Variants in AGER observed in about 807,000 individuals in gnomAD.
AGER encodes advanced glycation end product-specific receptor.
AGER carries 46 observed loss-of-function variants against 48.8 expected under a neutral mutation model. The observed-to-expected ratio is 0.94, with a 90% confidence interval of 0.74 to 1.20. The LOEUF (loss-of-function observed/expected upper bound fraction) is 1.20, where lower values mean the gene tolerates loss of function less well. Among genes scored for constraint, AGER ranks in the 50% most tolerant of loss-of-function variants. The probability of loss-of-function intolerance (pLI) is 0.00; values close to 1 mark genes in which losing one functional copy is unlikely to be tolerated. For missense variants in AGER, 489 were observed against 515.0 expected (o/e 0.95, Z 0.49); for synonymous variants, 170 against 199.9 (o/e 0.85, Z 1.26).
Position 32,184,166 on chromosome 6 carries a change from C to T in AGER, c.52+5G>A. 1 of 1,610,756 alleles carries T rather than the reference C, an allele frequency of 6.2e-7. No individual in the cohort carries two copies. Among genetic ancestry groups the T allele is most frequent in the Non-Finnish European group, 8.5e-7 (1 of 1,178,708 alleles). ...AGGGTCAGTGGGGTTGAGGGAGTGG[C>T]TCACCCCACAGACTGAGGACCAGCA... is the stretch of plus-strand genomic sequence containing the variant. On this transcript the variant is annotated splice_donor_5th_base_variant and intron_variant, in intron 1 of 10. Transcript: ENST00000375076.
Position 32,181,156 on chromosome 6 carries a change from G to C in AGER, c.1202C>G (p.Thr401Ser). ...SEEPEAGESS[T>S]GGP Reference sequence around the variant, plus strand: ...TCTGTGGGCCCCTCAAGGCCCTCCAGTACTACTCTCGCCTGCCTCAGGTTC... The same window carrying C: ...TCTGTGGGCCCCTCAAGGCCCTCCACTACTACTCTCGCCTGCCTCAGGTTC... The change falls in exon 11 of 11, where the codon ACT becomes AGT. Residue 401 changes from threonine to serine, a missense_variant. By Grantham distance (58) the Thr-to-Ser change is moderately conservative. Coordinates refer to ENST00000375076, the MANE Select transcript of AGER (RefSeq NM_001136.5). This position sits in a 1 kb window ranked among gnomAD's most constrained non-coding sequence, Gnocchi z 4.1. 1 of 1,614,210 alleles carries C rather than the reference G, an allele frequency of 6.2e-7. No homozygotes were observed. Among genetic ancestry groups the C allele is most frequent in the Middle Eastern group, 1.7e-4 (1 of 6,052 alleles).
At position 32,182,033 on chromosome 6, in the gene AGER, G is replaced by A. The variant is rs980576811; in HGVS notation, c.964+214C>T. 2.9e-5 allele frequency: 23 copies of A among 785,058 alleles called. No homozygotes were observed. Among genetic ancestry groups the A allele is most frequent in the African/African-American group, 1.4e-4 (8 of 58,656 alleles). The allele number at this position is 785,058 out of a possible 1,614,324, so 48.6% of individuals were successfully genotyped here. A position where few individuals can be genotyped will look rare whatever the true frequency, so the allele number is the denominator to read the frequency against. ...CAGGCGTGAGCCACCGCGCCCAGCC[G>A]TCTGTTCCTTTTTTTAGCTCAGAGG... On this transcript the variant is annotated intron_variant, in intron 8 of 10. Transcript: ENST00000375076. This position sits in a 1 kb window ranked among gnomAD's most constrained non-coding sequence, Gnocchi z 5.1.
rs1294731239 is a variant in AGER, at chr6:32,181,728, T to A, written c.965-96A>T. On this transcript the variant is annotated intron_variant, in intron 8 of 10. Transcript: ENST00000375076. The surrounding 1 kb of genome is among the most constrained non-coding windows in gnomAD (Gnocchi z 4.1). ...CCAGTGGAGTCTTTCCCTTTCTTTT[T>A]TTTTTTGAGATGGAGTTTCACTTTT... 1 of 1,314,222 alleles carries A rather than the reference T, an allele frequency of 7.6e-7. No individual in the cohort carries two copies. The highest frequency in any genetic ancestry group is 1.1e-6 in the Non-Finnish European group (1 of 947,088). The allele number at this position is 1,314,222 out of a possible 1,614,324, so 81.4% of individuals were successfully genotyped here.
rs764105620 is a variant in AGER at position 32,182,385 on chromosome 6, C to T, written c.826G>A (p.Val276Met). The T allele has an allele frequency of 1.4e-5, 23 of 1,610,600 alleles. No homozygotes were observed. Among genetic ancestry groups the T allele is most frequent in the Admixed American group, 1.3e-4 (8 of 59,882 alleles). ...SPQIHWMKDGVPLPLPPSPVL... is the reference protein window; with the variant it reads ...SPQIHWMKDGMPLPLPPSPVL... ...GGGCTGGGGGGAAGGGGCAAGGGCA[C>T]ACCCTGGTGGGGGAAGGGGAGAGGA... is the stretch of plus-strand genomic sequence containing the variant. Residue 276 changes from valine (V) to methionine (M), a missense_variant, in exon 8 of 11, where the codon GTG becomes ATG. Val to Met is a conservative substitution (Grantham distance 21). Transcript: ENST00000375076. This position sits in a 1 kb window ranked among gnomAD's most constrained non-coding sequence, Gnocchi z 5.1.
At position 32,182,838 on chromosome 6, in the gene AGER, C is replaced by T. The variant is rs764581457; in HGVS notation, c.691+3G>A. The T allele has an allele frequency of 6.8e-6, 11 of 1,612,004 alleles. No individual in the cohort carries two copies. Among genetic ancestry groups the T allele is most frequent in the African/African-American group, 5.3e-5 (4 of 74,884 alleles). Reference sequence around the variant, plus strand: ...GCTTGGGGCCCTCCCCACCTATGCTCACCCCAGACACGGGGCTGGATGGGG... The same window carrying T: ...GCTTGGGGCCCTCCCCACCTATGCTTACCCCAGACACGGGGCTGGATGGGG... On this transcript the variant is annotated splice_donor_region_variant and intron_variant, in intron 6 of 10. Transcript: ENST00000375076. The surrounding 1 kb of genome is among the most constrained non-coding windows in gnomAD (Gnocchi z 5.1).
Position 32,181,034 on chromosome 6 carries a change from G to T in AGER, c.*109C>A, listed in dbSNP as rs1786079349. ...TGGTTGTAGAAGAAAGCTTGGCAAG[G>T]TGGGGTTATACAGGAGAGAGATTAT... On this transcript the variant is annotated 3_prime_UTR_variant, in exon 11 of 11. Coordinates refer to ENST00000375076, the MANE Select transcript of AGER (RefSeq NM_001136.5). This position sits in a 1 kb window ranked among gnomAD's most constrained non-coding sequence, Gnocchi z 4.1. 2 of 1,127,228 alleles carry T rather than the reference G, an allele frequency of 1.8e-6. No homozygotes were observed. Among genetic ancestry groups the T allele is most frequent in the Non-Finnish European group, 2.6e-6 (2 of 764,470 alleles). The allele number at this position is 1,127,228 out of a possible 1,614,324, so 69.8% of individuals were successfully genotyped here.
In AGER at chr6:32,182,153, G is replaced by A; in HGVS notation, c.964+94C>T. ...GCATGGAGGGAGAGGTGGGGTGGCT[G>A]TTAGGGATAAGGCCAGAATGGGGCA... On this transcript the variant is annotated intron_variant, in intron 8 of 10. Coordinates refer to ENST00000375076, the MANE Select transcript of AGER (RefSeq NM_001136.5). This position sits in a 1 kb window ranked among gnomAD's most constrained non-coding sequence, Gnocchi z 5.1. The A allele has an allele frequency of 6.4e-7, 1 of 1,571,258 alleles. No individual in the cohort carries two copies. The highest frequency in any genetic ancestry group is 8.7e-7 in the Non-Finnish European group (1 of 1,146,942).
rs774544372 is a variant in AGER, at chr6:32,181,683, AG to A, written c.965-52del. On this transcript the variant is annotated intron_variant, in intron 8 of 10. Transcript: ENST00000375076. The surrounding 1 kb of genome is among the most constrained non-coding windows in gnomAD (Gnocchi z 4.1). ...AGAAAGGAAGACTTCGGGTTGAGAG[AG>A]GGTTATTTAGTGGGAGCCCCAGTGG... is the stretch of plus-strand genomic sequence containing the variant. The A allele has an allele frequency of 1.5e-5, 24 of 1,575,514 alleles. No individual in the cohort carries two copies. The highest frequency in any genetic ancestry group is 3.3e-4 in the Middle Eastern group (2 of 6,004).
chr6:32,184,160 G>A lies in AGER; in HGVS notation c.52+11C>T. ...GCAGGGAGGGTCAGTGGGGTTGAGG[G>A]AGTGGCTCACCCCACAGACTGAGGA... On this transcript the variant is annotated intron_variant, in intron 1 of 10. Transcript: ENST00000375076. The A allele has an allele frequency of 1.2e-6, 2 of 1,610,642 alleles. No homozygotes were observed. The highest frequency in any genetic ancestry group is 1.7e-6 in the Non-Finnish European group (2 of 1,178,642).
At chr6:32,183,516 G>A (rs374064016) in intron 3 of AGER, 39 bp downstream of exon 3, 50 of 1,612,630 alleles carry the variant, frequency 3.1e-5, no homozygotes, top group Non-Finnish European at 3.9e-5. Flanking sequence ...TTTTTCTTAG[G>A]TAAGAGGGAG....
chr6:32,182,695 G>A lies in AGER; in HGVS notation c.695C>T (p.Pro232Leu). ...TAPIQPRVWE[P>L]VPLEEVQLVV... The stretch of plus-strand genomic sequence containing the variant: ...CAATTGGACCTCCTCCAGAGGCACA[G>A]GCTCTGGGAGTTGGAAGGGTTTTGA... Residue 232 changes from proline (P) to leucine (L), a missense_variant, in exon 7 of 11, where the codon CCT (proline) becomes CTT (leucine). Coordinates refer to ENST00000375076, the MANE Select transcript of AGER (RefSeq NM_001136.5). The surrounding 1 kb of genome is among the most constrained non-coding windows in gnomAD (Gnocchi z 5.1). 1 of 1,613,138 alleles carries A rather than the reference G, an allele frequency of 6.2e-7. No individual in the cohort carries two copies. Among genetic ancestry groups the A allele is most frequent in the East Asian group, 2.2e-5 (1 of 44,882 alleles).
At position 32,182,116 on chromosome 6, in the gene AGER, T is replaced by C; in HGVS notation, c.964+131A>G. Reference sequence around the variant, plus strand: ...AGAATTTGGGTGGGGCAGGGGAGGCTTGGGTGTGGGTGCATGGAGGGAGAG... The same window carrying C: ...AGAATTTGGGTGGGGCAGGGGAGGCCTGGGTGTGGGTGCATGGAGGGAGAG... On this transcript the variant is annotated intron_variant, in intron 8 of 10. Transcript: ENST00000375076. The surrounding 1 kb of genome is among the most constrained non-coding windows in gnomAD (Gnocchi z 5.1). 7.6e-7 allele frequency: 1 copy of C among 1,318,292 alleles called. No individual in the cohort carries two copies. Among genetic ancestry groups the C allele is most frequent in the Non-Finnish European group, 1.1e-6 (1 of 931,592 alleles). 81.7% of individuals were successfully genotyped at this position (1,318,292 alleles called of 1,614,324 possible).
At position 32,184,151 on chromosome 6, in the gene AGER, G is replaced by T; in HGVS notation, c.52+20C>A. The T allele has an allele frequency of 2.5e-6, 4 of 1,609,772 alleles. No homozygotes were observed. Among genetic ancestry groups the T allele is most frequent in the Non-Finnish European group, 3.4e-6 (4 of 1,178,112 alleles). On this transcript the variant is annotated intron_variant, in intron 1 of 10. Coordinates refer to ENST00000375076, the MANE Select transcript of AGER (RefSeq NM_001136.5). ...GTGCTTTCTGCAGGGAGGGTCAGTGGGGTTGAGGGAGTGGCTCACCCCACA... is the reference window on the plus strand; with the variant it reads ...GTGCTTTCTGCAGGGAGGGTCAGTGTGGTTGAGGGAGTGGCTCACCCCACA...
Position 32,184,200 on chromosome 6 carries a change from C to T in AGER, c.23G>A (p.Gly8Glu). The T allele has an allele frequency of 2.5e-6, 4 of 1,612,796 alleles. No individual in the cohort carries two copies. Among genetic ancestry groups the T allele is most frequent in the East Asian group, 2.2e-5 (1 of 44,890 alleles). ...CAGACTGAGGACCAGCACCCAGGCT[C>T]CAACTGCTGTTCCGGCAGCCATCCT... Reference protein sequence around the residue: MAAGTAVGAWVLVLSLWG... With the variant: MAAGTAVEAWVLVLSLWG... Residue 8 changes from glycine to glutamate, a missense_variant, in exon 1 of 11, where the codon GGA (glycine) becomes GAA (glutamate). Physicochemically the swap from Gly to Glu is moderately conservative, Grantham distance 98. Transcript: ENST00000375076.
chr6:32,182,613 A>T lies in AGER; in HGVS notation c.777T>A (p.Cys259Ter). 2 of 1,612,978 alleles carry T rather than the reference A, an allele frequency of 1.2e-6. No individual in the cohort carries two copies. The highest frequency in any genetic ancestry group is 1.7e-6 in the Non-Finnish European group (2 of 1,180,006). ...GAGGAGAGGGCTGGGCAGGGACTTC[A>T]CAGGTCAGGGTTACGGTTCCACCAG... ...VAPGGTVTLT[C>*]EVPAQPSPQI... Residue 259 changes from cysteine to a stop codon, truncating the protein, a stop_gained, in exon 7 of 11, where the codon TGT becomes TGA. Coordinates refer to ENST00000375076, the MANE Select transcript of AGER (RefSeq NM_001136.5). LOFTEE classifies it high-confidence loss of function. This position sits in a 1 kb window ranked among gnomAD's most constrained non-coding sequence, Gnocchi z 5.1.
chr6:32,183,346 A>C lies in AGER; in HGVS notation c.398T>G (p.Leu133Arg). 6.2e-7 allele frequency: 1 copy of C among 1,613,120 alleles called. No homozygotes were observed. Among genetic ancestry groups the C allele is most frequent in the South Asian group, 1.1e-5 (1 of 91,090 alleles). Residue 133 changes from leucine to arginine, a missense_variant, in exon 4 of 11, where the codon CTC (leucine) becomes CGC (arginine). By Grantham distance (102) the Leu-to-Arg change is moderately radical (BLOSUM62 -2). Transcript: ENST00000375076. ...KPEIVDSASE[L>R]TAGVPNKVGT... Reference sequence around the variant, plus strand: ...TACCTTATTGGGAACACCAGCCGTGAGTTCAGAGGCAGAATCTACAATTTC... The same window carrying C: ...TACCTTATTGGGAACACCAGCCGTGCGTTCAGAGGCAGAATCTACAATTTC...
chr6:32,183,986 C>T lies in AGER; in HGVS notation c.54G>A (p.Gly18=), dbSNP rs372263884. Residue 18 remains glycine, a splice_region_variant and synonymous_variant, in exon 2 of 11, where the codon GGG becomes GGA. Coordinates refer to ENST00000375076, the MANE Select transcript of AGER (RefSeq NM_001136.5). ...TGATGTTTTGAGCACCTACTACTGC[C>T]CCTGGGAGATAGCACCATGGTAGAG... ...GAWVLVLSLW[G]AVVGAQNITA... 21 of 1,612,862 alleles carry T rather than the reference C, an allele frequency of 1.3e-5. No individual in the cohort carries two copies. In the African/African-American group the frequency reaches 2.1e-4, roughly 16 times the overall value.
chr6:32,183,650 G>A lies in AGER; in HGVS notation c.260C>T (p.Pro87Leu), dbSNP rs774609967. ...RVLPNGSLFLPAVGIQDEGIF... is the reference protein window; with the variant it reads ...RVLPNGSLFLLAVGIQDEGIF... ...CCCCTCATCCTGGATCCCGACAGCC[G>A]GAAGGAAGAGGGAGCCGTTGGGAAG... The change falls in exon 3 of 11, where the codon CCG becomes CTG. Residue 87 changes from proline to leucine, a missense_variant. Physicochemically the swap from Pro to Leu is moderately conservative, Grantham distance 98. Transcript: ENST00000375076. 80 of 1,613,060 alleles carry A rather than the reference G, an allele frequency of 5.0e-5. No homozygotes were observed. Among genetic ancestry groups the A allele is most frequent in the Middle Eastern group, 5.0e-4 (3 of 6,060 alleles).
intron 3 of AGER, 50 bp from the exon 4 acceptor site, chr6:32,183,438 ACT>A (rs1297130137): frequency 6.2e-7 from 1 of 1,609,220 alleles, no homozygotes; most frequent in South Asian, 1.1e-5. Flanking sequence ...AGGTTCTCAA[ACT>A]CTGTGTGTGG....
Sources: allele counts gnomAD v4.1 joint callset, GRCh38; gene constraint gnomAD v4.1.1; non-coding constraint Gnocchi (gnomAD v3.1); transcripts MANE v1.5; gene names NCBI Gene and HGNC (gene_info 2026-07-23, HGNC 2026-07-21).